SIRT1: variants seen among roughly 807,000 people sequenced by gnomAD.
The protein encoded by SIRT1 is sirtuin 1.
Under a neutral mutation model 67.9 loss-of-function variants are expected in SIRT1, and 24 were observed. The ratio of observed to expected loss-of-function variants is 0.35; its 90% CI spans 0.26 to 0.50. SIRT1 has a LOEUF of 0.50. SIRT1 is among the 20% of genes least tolerant of loss of function. The pLI, the probability that SIRT1 is intolerant of heterozygous loss-of-function variation, is 0.98. For synonymous variants in SIRT1, 378 were observed against 350.7 expected (o/e 1.08, Z -0.87); for missense variants, 873 against 937.2 (o/e 0.93, Z 0.89).
intron 4 of SIRT1, among the ~76,000 whole-genome samples, chr10:67,903,057 C>T (rs35814380): frequency 0.048 from 7,333 of 152,210 alleles, 242 homozygotes; most frequent in Non-Finnish European, 0.073. Context: ...TGTGCCATTG[C>T]ACTCCATCCT....
At chr10:67,909,142 G>GT (rs542651682) in intron 6 of SIRT1, 114 bp from the exon 7 acceptor site, 17,839 of 583,590 alleles carry the variant, frequency 0.031, no homozygotes, top group South Asian at 0.048. Context: ...TTTCTGTTTT[G>GT]TTTTTTTTTT....
chr10:67,907,459 C>T lies in SIRT1; in HGVS notation c.1090+522C>T, dbSNP rs139183529. ...GCAGCGAGCCAAGATTGCACCATTG[C>T]GCTCCAGCCTGGGAGACAGTGAGAC... is the stretch of plus-strand genomic sequence containing the variant. On this transcript the variant is annotated intron_variant, in intron 5 of 8. Transcript: ENST00000212015. 5.3e-4 allele frequency among the ~76,000 whole-genome samples: 76 copies of T among 142,988 alleles called. 1 individual carries two copies. In the East Asian group the frequency reaches 0.014, roughly 26 times the overall value. The allele number at this position is 142,988 out of a possible 152,430, so 93.8% of individuals were successfully genotyped here. A position where few individuals can be genotyped will look rare whatever the true frequency, so the allele number is the denominator to read the frequency against.
chr10:67,905,604 C>T (rs12266082), intron 4 of SIRT1, among the ~76,000 whole-genome samples: 1 of 152,196 alleles, frequency 6.6e-6, no homozygotes, highest in Non-Finnish European at 1.5e-5. Context: ...AAAAAGTCAT[C>T]TTTAATCTCT....
intron 7 of SIRT1, among the ~76,000 whole-genome samples, chr10:67,912,027 G>T (rs1410370549): frequency 2.6e-5 from 4 of 152,130 alleles, no homozygotes; most frequent in Non-Finnish European, 4.4e-5. Context: ...GCCTCCCAAA[G>T]TGCTGGGATT....
chr10:67,884,786 G>A lies in SIRT1; in HGVS notation c.65G>A (p.Arg22Lys). The change falls in exon 1 of 9, where the codon AGG becomes AAG. Residue 22 changes from arginine (R) to lysine (K), a missense_variant. Arg to Lys is a conservative substitution (Grantham distance 26). Coordinates refer to ENST00000212015, the MANE Select transcript of SIRT1 (RefSeq NM_012238.5). Reference sequence around the variant, plus strand: ...TCCCCCTCGGCGGCGGGGGCCGACAGGGAGGCCGCGTCGTCCCCCGCCGGG... The same window carrying A: ...TCCCCCTCGGCGGCGGGGGCCGACAAGGAGGCCGCGTCGTCCCCCGCCGGG... ...GGSPSAAGAD[R>K]EAASSPAGEP... The A allele has an allele frequency of 8.3e-7, 1 of 1,207,588 alleles. No individual in the cohort carries two copies. 74.8% of individuals were successfully genotyped at this position (1,207,588 alleles called of 1,614,324 possible). A position where few individuals can be genotyped will look rare whatever the true frequency, so the allele number is the denominator to read the frequency against.
In SIRT1 at chr10:67,884,843, G is replaced by C. The variant is rs1365874384; in HGVS notation, c.122G>C (p.Gly41Ala). ...CTCCGCAAGAGGCCGCGGAGAGATG[G>C]TCCCGGCCTCGAGCGGAGCCCGGGC... ...EPLRKRPRRD[G>A]PGLERSPGEP... The change falls in exon 1 of 9, where the codon GGT becomes GCT. Residue 41 changes from glycine to alanine, a missense_variant. Gly to Ala is a moderately conservative substitution (Grantham distance 60). This residue lies in a region of SIRT1 where 327 missense variants were observed against 283.9 expected (regional missense o/e 1.15). Transcript: ENST00000212015. 6 of 1,221,914 alleles carry C rather than the reference G, an allele frequency of 4.9e-6. No homozygotes were observed. Among genetic ancestry groups the C allele is most frequent in the Non-Finnish European group, 6.1e-6 (6 of 981,798 alleles). The allele number at this position is 1,221,914 out of a possible 1,614,324, so 75.7% of individuals were successfully genotyped here. A position where few individuals can be genotyped will look rare whatever the true frequency, so the allele number is the denominator to read the frequency against.
At chr10:67,886,204 G>A (rs1277021116) in intron 1 of SIRT1, among the ~76,000 whole-genome samples, 2 of 151,898 alleles carry the variant, frequency 1.3e-5, no homozygotes, top group Non-Finnish European at 2.9e-5. Flanking sequence ...GCCGCCCAAA[G>A]TGCTGGGATT....
chr10:67,907,645 C>T (rs1842841306), intron 5 of SIRT1, among the ~76,000 whole-genome samples: 1 of 152,134 alleles, frequency 6.6e-6, no homozygotes, highest in East Asian at 1.9e-4. Flanking sequence ...AAACAAGTAT[C>T]AACAGGCCAT....
rs141948110 is a variant in SIRT1 at position 67,890,890 on chromosome 10, C to T, written c.790-512C>T. ...CTAAAAATACAAAAAATCAGCCGGT[C>T]GCGGTGGCAGGCACCTGCATTCCCA... On this transcript the variant is annotated intron_variant, in intron 3 of 8. Transcript: ENST00000212015. Among the ~76,000 whole-genome samples the T allele has an allele frequency of 1.1e-4, 17 of 151,776 alleles. No homozygotes were observed. The East Asian group carries it at 1.4e-3, about 12-fold the overall frequency.
chr10:67,909,101 C>T (rs957613549), intron 6 of SIRT1, among the ~76,000 whole-genome samples, 155 bp from the exon 7 acceptor site: 1 of 151,776 alleles, frequency 6.6e-6, no homozygotes, highest in Non-Finnish European at 1.5e-5. Flanking sequence ...ATAAACTACC[C>T]ATCATTGACA....
chr10:67,895,136 C>A (rs1348562898), intron 4 of SIRT1, among the ~76,000 whole-genome samples: 1 of 151,984 alleles, frequency 6.6e-6, no homozygotes, highest in Non-Finnish European at 1.5e-5. Flanking sequence ...AGAAAGCTTC[C>A]AGTCTGGGCA....
chr10:67,887,396 C>T (rs200485424), intron 1 of SIRT1, 21 bp from the exon 2 acceptor site: 1 of 1,528,660 alleles, frequency 6.5e-7, no homozygotes, highest in Non-Finnish European at 9.1e-7. Flanking sequence ...ATAGCCTTGA[C>T]TGACTTGGTT....
At chr10:67,885,267 TC>T in intron 1 of SIRT1, 116 bp downstream of exon 1, 1 of 1,216,482 alleles carries the variant, frequency 8.2e-7, no homozygotes. Flanking sequence ...GGCGTTCCCC[TC>T]CCCACCCCGG....
At chr10:67,898,272 AAG>A (rs1842690347) in intron 4 of SIRT1, among the ~76,000 whole-genome samples, 1 of 150,972 alleles carries the variant, frequency 6.6e-6, no homozygotes, top group African/African-American at 2.4e-5. Context: ...AAAAAAAAAA[AAG>A]AAAAGAAAAA....
chr10:67,910,032 A>G (rs1240108772), intron 7 of SIRT1, among the ~76,000 whole-genome samples: 1 of 151,970 alleles, frequency 6.6e-6, no homozygotes, highest in Non-Finnish European at 1.5e-5. Context: ...TTTAGGTGGC[A>G]TTGTTCATTG....
At chr10:67,915,629 A>T (rs1049626106) in intron 8 of SIRT1, among the ~76,000 whole-genome samples, 2 of 152,172 alleles carry the variant, frequency 1.3e-5, no homozygotes, top group Non-Finnish European at 2.9e-5. Flanking sequence ...TACACTATGA[A>T]TTTGTGGTGA....
Position 67,917,947 on chromosome 10 carries a change from G to A in SIRT1, c.*1354G>A, listed in dbSNP as rs1290870178. The A allele has an allele frequency of 6.6e-6, 1 of 152,356 alleles. No homozygotes were observed. The highest frequency in any genetic ancestry group is 2.4e-5 in the African/African-American group (1 of 41,418). The allele number at this position is 152,356 out of a possible 1,614,324, so 9.4% of individuals were successfully genotyped here. The stretch of plus-strand genomic sequence containing the variant: ...TCCTAAATTAATAAAGTATTCCTCT[G>A]TTGCTTTAGTATTTATTACAATAAA... On this transcript the variant is annotated 3_prime_UTR_variant, in exon 9 of 9. Coordinates refer to ENST00000212015, the MANE Select transcript of SIRT1 (RefSeq NM_012238.5).
At chr10:67,902,848 A>G (rs1420129649) in intron 4 of SIRT1, among the ~76,000 whole-genome samples, 1 of 152,222 alleles carries the variant, frequency 6.6e-6, no homozygotes, top group Non-Finnish European at 1.5e-5. Flanking sequence ...AATCCTAAGC[A>G]CTTTGGGAGG....
chr10:67,896,379 C>T (rs1268284037), intron 4 of SIRT1, among the ~76,000 whole-genome samples: 1 of 152,178 alleles, frequency 6.6e-6, no homozygotes, highest in Non-Finnish European at 1.5e-5. Flanking sequence ...TCCTGGGTTC[C>T]AGCAATTCTC....
Sources: allele counts gnomAD v4.1 joint callset (sites outside exome capture counted in the v4.1 genomes callset), GRCh38; gene constraint gnomAD v4.1.1; regional missense constraint gnomAD v4.1.1; transcripts MANE v1.5; gene names NCBI Gene and HGNC (gene_info 2026-07-23, HGNC 2026-07-21).